SORCS1: variants seen among roughly 807,000 people sequenced by gnomAD.
SORCS1 encodes the protein sortilin related VPS10 domain containing receptor 1.
A neutral mutation model predicts 146.1 loss-of-function variants in SORCS1; 60 were observed. The observed-to-expected ratio is 0.41, with a 90% CI of 0.33 to 0.51. The LOEUF (loss-of-function observed/expected upper bound fraction) is 0.51, where lower values mean the gene tolerates loss of function less well. Ranked by LOEUF, SORCS1 falls within the 20% of genes least tolerant of loss-of-function variation. The pLI is 0.21. For missense variants in SORCS1, 1,352 were observed against 1,487.6 expected, an observed-to-expected ratio of 0.91 and a Z score of 1.50; for synonymous variants, 637 against 584.0, an observed-to-expected ratio of 1.09 and a Z score of -1.31.
rs181494628 is a variant in SORCS1 at position 106,852,936 on chromosome 10, C to T, written c.627-23263G>A. 3.1e-3 allele frequency among the ~76,000 whole-genome samples: 466 copies of T among 152,164 alleles called. 1 individual carries two copies. Among genetic ancestry groups the T allele is most frequent in the Non-Finnish European group, 5.3e-3 (357 of 67,980 alleles). On this transcript the variant is annotated intron_variant, in intron 2 of 25. Coordinates refer to ENST00000263054, the MANE Select transcript of SORCS1 (RefSeq NM_052918.5). Reference sequence around the variant, plus strand: ...TAATTGTCTGTAAGTTTGCTTTTTTCTCCTAATGTCATTGGGTGGTTTTTG... The same window carrying T: ...TAATTGTCTGTAAGTTTGCTTTTTTTTCCTAATGTCATTGGGTGGTTTTTG...
chr10:107,015,536 G>T (rs554182159), intron 1 of SORCS1, among the ~76,000 whole-genome samples: 1 of 152,186 alleles, frequency 6.6e-6, no homozygotes, highest in Non-Finnish European at 1.5e-5. Context: ...GTCTTGGAGA[G>T]TGACAGTTCT....
At chr10:107,092,674 A>C (rs994061905) in intron 1 of SORCS1, among the ~76,000 whole-genome samples, 1 of 152,202 alleles carries the variant, frequency 6.6e-6, no homozygotes, top group African/African-American at 2.4e-5. Context: ...TGAGAGAGCT[A>C]TCACAACTTT....
In SORCS1 at chr10:106,743,870, A is replaced by T. The variant is rs189334026; in HGVS notation, c.960-13756T>A. Among the ~76,000 whole-genome samples the T allele has an allele frequency of 3.6e-3, 550 of 152,346 alleles. 9 individuals carry two copies. The highest frequency in any genetic ancestry group is 0.013 in the African/African-American group (531 of 41,580). Reference sequence around the variant, plus strand: ...ACTAAAACATTCTTACAATCCCTCCATCTAGAATTAACCACCTTTAATATT... The same window carrying T: ...ACTAAAACATTCTTACAATCCCTCCTTCTAGAATTAACCACCTTTAATATT... On this transcript the variant is annotated intron_variant, in intron 5 of 25. Transcript: ENST00000263054.
At chr10:106,957,593 A>G (rs1210058227) in intron 1 of SORCS1, among the ~76,000 whole-genome samples, 1 of 152,162 alleles carries the variant, frequency 6.6e-6, no homozygotes, top group Non-Finnish European at 1.5e-5. Flanking sequence ...GCAGGGCTAA[A>G]CGACAGCATT....
At chr10:107,135,969 A>C (rs767278956) in intron 1 of SORCS1, among the ~76,000 whole-genome samples, 1 of 152,208 alleles carries the variant, frequency 6.6e-6, no homozygotes, top group African/African-American at 2.4e-5. Flanking sequence ...ATAGCAACTG[A>C]AAGCAGCCCC....
At chr10:107,132,180 C>T (rs2134640860) in intron 1 of SORCS1, among the ~76,000 whole-genome samples, 1 of 152,112 alleles carries the variant, frequency 6.6e-6, no homozygotes, top group Non-Finnish European at 1.5e-5. Context: ...CTCATCTTTC[C>T]CACCCATCAT....
chr10:107,095,426 CAT>C (rs1183195500), intron 1 of SORCS1, among the ~76,000 whole-genome samples: 2 of 152,134 alleles, frequency 1.3e-5, no homozygotes, highest in Non-Finnish European at 2.9e-5. Context: ...CCATGAAACT[CAT>C]AGTCTCCCTG....
intron 2 of SORCS1, among the ~76,000 whole-genome samples, chr10:106,864,470 C>G (rs574887679): frequency 2.0e-5 from 3 of 152,166 alleles, no homozygotes; most frequent in African/African-American, 7.2e-5. Context: ...GCAGAGCAGC[C>G]ACTCGAGCAC....
chr10:107,143,515 T>C (rs2134738088), intron 1 of SORCS1, among the ~76,000 whole-genome samples: 1 of 152,150 alleles, frequency 6.6e-6, no homozygotes, highest in South Asian at 2.1e-4. Context: ...CTTTTCTTTT[T>C]CTTTTTGAGA....
chr10:107,013,545 T>C (rs1957770231), intron 1 of SORCS1, among the ~76,000 whole-genome samples: 1 of 152,132 alleles, frequency 6.6e-6, no homozygotes, highest in South Asian at 2.1e-4. Flanking sequence ...TCCTGCAGTA[T>C]CAGTAGGATT....
chr10:106,843,271 G>C (rs1405129417), intron 2 of SORCS1, among the ~76,000 whole-genome samples: 1 of 152,020 alleles, frequency 6.6e-6, no homozygotes. Flanking sequence ...CCAGCCACTA[G>C]TAACCACCAC....
At chr10:106,926,752 G>A (rs965065683) in intron 2 of SORCS1, among the ~76,000 whole-genome samples, 1 of 151,356 alleles carries the variant, frequency 6.6e-6, no homozygotes, top group Non-Finnish European at 1.5e-5. Context: ...ATGGATTTTA[G>A]TAGCATTAAG....
chr10:106,967,394 T>C (rs1321786533), intron 1 of SORCS1, among the ~76,000 whole-genome samples: 1 of 152,082 alleles, frequency 6.6e-6, no homozygotes, highest in African/African-American at 2.4e-5. Context: ...AAATTAAATA[T>C]TTTTTCTAGA....
chr10:107,021,356 C>CA (rs1031608792), intron 1 of SORCS1, among the ~76,000 whole-genome samples: 3 of 150,094 alleles, frequency 2.0e-5, no homozygotes, highest in South Asian at 4.3e-4. Context: ...ACTAAAAACG[C>CA]AAAAAAAATT....
chr10:106,956,255 A>G (rs822089), intron 2 of SORCS1, among the ~76,000 whole-genome samples: 30,509 of 152,202 alleles, frequency 0.2, 4,497 homozygotes, highest in East Asian at 0.44. Flanking sequence ...TCAGTGAGAC[A>G]GTGCATAAAC....
At chr10:106,661,226 CA>C (rs1850704578) in intron 17 of SORCS1, among the ~76,000 whole-genome samples, 1 of 152,134 alleles carries the variant, frequency 6.6e-6, no homozygotes, top group African/African-American at 2.4e-5. Flanking sequence ...TCGGCACTAA[CA>C]TGAAATAAAA....
At chr10:106,919,951 T>C (rs531157475) in intron 2 of SORCS1, among the ~76,000 whole-genome samples, 1 of 152,328 alleles carries the variant, frequency 6.6e-6, no homozygotes, top group East Asian at 1.9e-4. Context: ...GTTTAACATA[T>C]CATCAGGTTT....
intron 4 of SORCS1, among the ~76,000 whole-genome samples, chr10:106,775,248 T>C (rs10509821): frequency 0.047 from 7,167 of 152,336 alleles, 272 homozygotes; most frequent in East Asian, 0.11. Flanking sequence ...ACTAATACTC[T>C]GTCTGAGCTG....
intron 3 of SORCS1, among the ~76,000 whole-genome samples, chr10:106,806,217 A>C (rs1451248684): frequency 6.7e-6 from 1 of 149,106 alleles, no homozygotes; most frequent in Admixed American, 6.8e-5. Context: ...AAAATGCAAA[A>C]ATTAGCCAGA....
Sources: allele counts gnomAD v4.1 joint callset (sites outside exome capture counted in the v4.1 genomes callset), GRCh38; gene constraint gnomAD v4.1.1; transcripts MANE v1.5; gene names NCBI Gene and HGNC (gene_info 2026-07-23, HGNC 2026-07-21).